CYP19A1: variants seen among roughly 807,000 people sequenced by gnomAD.
CYP19A1 encodes aromatase.
Under a neutral mutation model 44.4 loss-of-function variants are expected in CYP19A1, and 32 were observed. The observed-to-expected ratio is 0.72, with a 90% CI of 0.54 to 0.97. The LOEUF is 0.97. Among genes scored for constraint, CYP19A1 ranks in the 50% least tolerant of loss-of-function variants. CYP19A1 has a pLI of 0.00. For missense variants in CYP19A1, 598 were observed against 637.8 expected (o/e 0.94, Z 0.67); for synonymous variants, 212 against 215.6 (o/e 0.98, Z 0.14).
intron 3 of CYP19A1, among the ~76,000 whole-genome samples, chr15:51,232,039 C>T (rs1471659623): frequency 3.9e-5 from 6 of 152,190 alleles, no homozygotes; most frequent in African/African-American, 1.4e-4. Flanking sequence ...GACCAGTCCC[C>T]CTACAACTCA....
At chr15:51,275,321 C>T (rs1296867140) in intron 1 of CYP19A1, among the ~76,000 whole-genome samples, 3 of 152,258 alleles carry the variant, frequency 2.0e-5, no homozygotes, top group Admixed American at 6.5e-5. Flanking sequence ...CTCCACCCAA[C>T]AGAACCAGTG....
chr15:51,327,867 C>A (rs1303573811), intron 1 of CYP19A1, among the ~76,000 whole-genome samples: 1 of 149,976 alleles, frequency 6.7e-6, no homozygotes, highest in Admixed American at 6.6e-5. Flanking sequence ...AAATTTCCTC[C>A]CAAAATTCAT....
At chr15:51,238,117 G>A (rs928884708) in intron 2 of CYP19A1, among the ~76,000 whole-genome samples, 5 of 152,188 alleles carry the variant, frequency 3.3e-5, no homozygotes, top group Non-Finnish European at 5.9e-5. Flanking sequence ...GAGTTAATAT[G>A]AGCAAGACTG....
At chr15:51,286,375 A>G (rs2056402816) in intron 1 of CYP19A1, among the ~76,000 whole-genome samples, 1 of 152,222 alleles carries the variant, frequency 6.6e-6, no homozygotes, top group South Asian at 2.1e-4. Context: ...GGCTAAAATA[A>G]AAGCCAGGAA....
At chr15:51,250,640 C>A (rs2034271770) in intron 1 of CYP19A1, among the ~76,000 whole-genome samples, 1 of 152,162 alleles carries the variant, frequency 6.6e-6, no homozygotes, top group South Asian at 2.1e-4. Flanking sequence ...AAAGTGGGGG[C>A]ACTATTTGGG....
chr15:51,331,634 G>A (rs1050803263), intron 1 of CYP19A1, among the ~76,000 whole-genome samples: 2 of 152,066 alleles, frequency 1.3e-5, no homozygotes, highest in South Asian at 2.1e-4. Context: ...TCAGGGGGGC[G>A]CGACTTCTTG....
intron 4 of CYP19A1, among the ~76,000 whole-genome samples, chr15:51,226,090 GAAAAAAAAAAAAA>G (rs55642133): frequency 1.8e-4 from 8 of 44,408 alleles, no homozygotes; most frequent in South Asian, 1.5e-3. Context: ...CTCTGTCTCA[GAAAAAAAAAAAAA>G]AAAAAAAAAA....
chr15:51,264,399 G>A (rs183423294), intron 1 of CYP19A1, among the ~76,000 whole-genome samples: 6 of 152,232 alleles, frequency 3.9e-5, no homozygotes, highest in East Asian at 3.9e-4. Context: ...GTAAGACCCC[G>A]AGAAAGATAC....
At chr15:51,302,835 G>A (rs1313150143) in intron 1 of CYP19A1, among the ~76,000 whole-genome samples, 4 of 152,176 alleles carry the variant, frequency 2.6e-5, no homozygotes, top group East Asian at 3.8e-4. Context: ...AACTGTACTC[G>A]GCACTTTTTG....
intron 1 of CYP19A1, among the ~76,000 whole-genome samples, chr15:51,267,278 T>C (rs2034955402): frequency 2.6e-5 from 4 of 152,114 alleles, no homozygotes; most frequent in Admixed American, 1.3e-4. Flanking sequence ...TCCAGCCGGC[T>C]GCCTGCGGTC....
intron 1 of CYP19A1, among the ~76,000 whole-genome samples, chr15:51,265,334 C>T (rs2034877021): frequency 6.6e-6 from 1 of 152,148 alleles, no homozygotes; most frequent in South Asian, 2.1e-4. Flanking sequence ...TTTTCATTGC[C>T]TAAGGGAAGC....
chr15:51,302,404 G>A (rs1016728505), intron 1 of CYP19A1, among the ~76,000 whole-genome samples: 10 of 152,172 alleles, frequency 6.6e-5, no homozygotes, highest in African/African-American at 1.9e-4. Context: ...AGAATCATGG[G>A]GCTGAGAGTT....
intron 3 of CYP19A1, among the ~76,000 whole-genome samples, chr15:51,232,116 GC>G (rs1418404521): frequency 6.6e-6 from 1 of 151,920 alleles, no homozygotes; most frequent in Non-Finnish European, 1.5e-5. Context: ...TCATCTACTG[GC>G]CCATTTCCTG....
chr15:51,326,807 G>C (rs2036615387), intron 1 of CYP19A1, among the ~76,000 whole-genome samples: 1 of 152,208 alleles, frequency 6.6e-6, no homozygotes, highest in African/African-American at 2.4e-5. Flanking sequence ...TGAGAGACCT[G>C]AAAGTACAAG....
intron 1 of CYP19A1, among the ~76,000 whole-genome samples, chr15:51,254,171 A>G (rs1384199573): frequency 6.6e-6 from 1 of 152,248 alleles, no homozygotes; most frequent in Non-Finnish European, 1.5e-5. Flanking sequence ...AGAAAAACAG[A>G]GCAAACTCAA....
Position 51,296,785 on chromosome 15 carries a change from A to G in CYP19A1, c.-39+41710T>C, listed in dbSNP as rs187179087. Among the ~76,000 whole-genome samples, 27 of 152,242 alleles carry G rather than the reference A, an allele frequency of 1.8e-4. No homozygotes were observed. In the East Asian group the frequency reaches 4.2e-3, roughly 24 times the overall value. On this transcript the variant is annotated intron_variant, in intron 1 of 9. Transcript: ENST00000396402. Reference sequence around the variant, plus strand: ...TGGGTCCTTCCTCCTACCACCATTTATTTTTCATATTCCTGTTTGTAAAAT... The same window carrying G: ...TGGGTCCTTCCTCCTACCACCATTTGTTTTTCATATTCCTGTTTGTAAAAT...
At chr15:51,217,355 A>G (rs2141047897) in intron 6 of CYP19A1, among the ~76,000 whole-genome samples, 1 of 152,374 alleles carries the variant, frequency 6.6e-6, no homozygotes, top group Non-Finnish European at 1.5e-5. Flanking sequence ...GAACTATGTA[A>G]TGAACTCTCC....
intron 1 of CYP19A1, among the ~76,000 whole-genome samples, chr15:51,307,946 G>T (rs2036243907): frequency 6.6e-6 from 1 of 152,194 alleles, no homozygotes; most frequent in Admixed American, 6.5e-5. Flanking sequence ...CCCTCTTCTA[G>T]AAACAAATGA....
chr15:51,313,936 A>C (rs533666150), intron 1 of CYP19A1: 2 of 152,280 alleles, frequency 1.3e-5, no homozygotes, highest in East Asian at 3.9e-4. Flanking sequence ...AGAAAGGTTC[A>C]ACGCTCACCT....
Sources: gnomAD v4.1 joint callset for allele counts (sites outside exome capture counted in the v4.1 genomes callset) on GRCh38, gnomAD v4.1.1 for gene constraint, MANE v1.5 for transcripts, NCBI Gene and HGNC (gene_info 2026-07-23, HGNC 2026-07-21) for gene names.